Variants in ELFN2 observed in about 807,000 individuals in gnomAD.
The protein encoded by ELFN2 is extracellular leucine rich repeat and fibronectin type III domain containing 2.
A neutral mutation model predicts 45.5 loss-of-function variants in ELFN2; 17 were observed. The observed-to-expected ratio is 0.37, with a 90% CI of 0.26 to 0.56. ELFN2 has a LOEUF of 0.56. Among genes scored for constraint, ELFN2 ranks in the 20% least tolerant of loss-of-function variants. ELFN2 has a pLI of 0.77. For synonymous variants in ELFN2, 550 were observed against 551.5 expected (o/e 1.00, Z 0.04); for missense variants, 922 against 1,183.2 (o/e 0.78, Z 3.24).
Position 37,373,356 on chromosome 22 carries a change from G to A in ELFN2, c.2179C>T (p.Arg727Cys), listed in dbSNP as rs146137658. Residue 727 changes from arginine (R) to cysteine (C), a missense_variant, in exon 3 of 3, where the codon CGC becomes TGC. This residue lies in a region of ELFN2 where 564 missense variants were observed against 642.8 expected (regional missense o/e 0.88). Transcript: ENST00000402918. ...YEEGADSLSQ[R>C]VSFLKPLTRS... ...GTCAGCGGCTTGAGGAAGGACACGC[G>A]CTGGCTCAGGCTGTCGGCACCCTCC... The A allele has an allele frequency of 3.1e-5, 50 of 1,612,864 alleles. No homozygotes were observed. Among genetic ancestry groups the A allele is most frequent in the South Asian group, 1.4e-4 (13 of 91,042 alleles).
At position 37,414,134 on chromosome 22, in the gene ELFN2, A is replaced by G. The variant is rs192022213; in HGVS notation, c.-463+3635T>C. Reference sequence around the variant, plus strand: ...GAACCTCTACTATGTGCCAGGCCCCATTCAAGGTACTTGAGATAGAGCAGA... The same window carrying G: ...GAACCTCTACTATGTGCCAGGCCCCGTTCAAGGTACTTGAGATAGAGCAGA... On this transcript the variant is annotated intron_variant, in intron 2 of 2. Transcript: ENST00000402918. Among the ~76,000 whole-genome samples, 3 of 152,306 alleles carry G rather than the reference A, an allele frequency of 2.0e-5. No homozygotes were observed. In the East Asian group the frequency reaches 5.8e-4, roughly 29 times the overall value.
At chr22:37,388,043 C>T (rs1401792446) in intron 2 of ELFN2, among the ~76,000 whole-genome samples, 3 of 151,760 alleles carry the variant, frequency 2.0e-5, no homozygotes, top group African/African-American at 7.3e-5. Flanking sequence ...CGCCTTGGTG[C>T]CGCCGCCTCC....
intron 2 of ELFN2, among the ~76,000 whole-genome samples, chr22:37,376,410 C>A (rs1393355123): frequency 6.6e-6 from 1 of 152,132 alleles, no homozygotes; most frequent in Non-Finnish European, 1.5e-5. Flanking sequence ...GCTACACACA[C>A]ACACACACAA....
In ELFN2 at chr22:37,374,387, A is replaced by C; in HGVS notation, c.1148T>G (p.Val383Gly). Residue 383 changes from valine to glycine, a missense_variant, in exon 3 of 3, where the codon GTC (valine) becomes GGC (glycine). By Grantham distance (109) the Val-to-Gly change is moderately radical. Coordinates refer to ENST00000402918, the MANE Select transcript of ELFN2 (RefSeq NM_052906.5). ...GGTGCTGGGCGCCAAGTCTCCGGGGACGGGGTCCCGCGTGGTGAAGGTCAG... is the reference window on the plus strand; with the variant it reads ...GGTGCTGGGCGCCAAGTCTCCGGGGCCGGGGTCCCGCGTGGTGAAGGTCAG... Reference protein sequence around the residue: ...TCLTFTTRDPVPGDLAPSTST... With the variant: ...TCLTFTTRDPGPGDLAPSTST... 2.5e-6 allele frequency: 4 copies of C among 1,613,798 alleles called. No individual in the cohort carries two copies. The highest frequency in any genetic ancestry group is 3.4e-6 in the Non-Finnish European group (4 of 1,179,876).
At chr22:37,379,180 G>A (rs893100016) in intron 2 of ELFN2, among the ~76,000 whole-genome samples, 9 of 152,206 alleles carry the variant, frequency 5.9e-5, no homozygotes, top group Admixed American at 2.0e-4. Flanking sequence ...CAGAGGCACC[G>A]ACGGCAGTGA....
chr22:37,347,064 T>G (rs1468227228), intron 1 of ELFN2, among the ~76,000 whole-genome samples: 1 of 152,112 alleles, frequency 6.6e-6, no homozygotes, highest in African/African-American at 2.4e-5. Context: ...CTGCAACCTC[T>G]GCCCCCCCGG....
intron 2 of ELFN2, among the ~76,000 whole-genome samples, chr22:37,403,346 C>T (rs941835512): frequency 2.0e-5 from 3 of 152,128 alleles, no homozygotes; most frequent in African/African-American, 7.2e-5. Context: ...GAGGAGTCCC[C>T]GAGGGCATCC....
At chr22:37,395,352 T>G (rs1003250835) in intron 2 of ELFN2, among the ~76,000 whole-genome samples, 1 of 151,922 alleles carries the variant, frequency 6.6e-6, no homozygotes, top group African/African-American at 2.4e-5. Flanking sequence ...AAGTAGGCAT[T>G]TACATCAATC....
chr22:37,349,043 C>T (rs1038917125), intron 1 of ELFN2, among the ~76,000 whole-genome samples: 3 of 151,182 alleles, frequency 2.0e-5, no homozygotes, highest in African/African-American at 7.2e-5. Flanking sequence ...GCCCACAGAT[C>T]GCTACAGAGC....
At chr22:37,398,702 T>C (rs1209775956) in intron 2 of ELFN2, among the ~76,000 whole-genome samples, 1 of 151,928 alleles carries the variant, frequency 6.6e-6, no homozygotes, top group African/African-American at 2.4e-5. Flanking sequence ...TGCCCTCCAA[T>C]ACCATCAAGA....
At chr22:37,387,877 T>G (rs1438432227) in intron 2 of ELFN2, among the ~76,000 whole-genome samples, 1 of 151,446 alleles carries the variant, frequency 6.6e-6, no homozygotes, top group Non-Finnish European at 1.5e-5. Context: ...CCCAGCTGCC[T>G]CCGGGGCCCT....
intron 2 of ELFN2, among the ~76,000 whole-genome samples, chr22:37,387,797 C>T (rs1231264850): frequency 6.6e-6 from 1 of 152,014 alleles, no homozygotes; most frequent in Non-Finnish European, 1.5e-5. Context: ...CTCCCCTACC[C>T]CAAGAGCCCT....
At chr22:37,401,028 C>T (rs550295617) in intron 2 of ELFN2, among the ~76,000 whole-genome samples, 1 of 152,378 alleles carries the variant, frequency 6.6e-6, no homozygotes, top group Admixed American at 6.5e-5. Flanking sequence ...ACAGACATGG[C>T]ACTGCCCTGA....
chr22:37,383,991 A>G (rs562814840), intron 2 of ELFN2, among the ~76,000 whole-genome samples: 3 of 152,054 alleles, frequency 2.0e-5, no homozygotes, highest in Non-Finnish European at 4.4e-5. Flanking sequence ...ACCACAGTAC[A>G]CATGTGTCTC....
intron 2 of ELFN2, among the ~76,000 whole-genome samples, chr22:37,381,454 C>T: frequency 6.6e-6 from 1 of 152,234 alleles, no homozygotes; most frequent in African/African-American, 2.4e-5. Flanking sequence ...ACCCCAGGAC[C>T]TTTGCTCTTC....
chr22:37,374,379 C>G lies in ELFN2; in HGVS notation c.1156G>C (p.Asp386His), dbSNP rs886430908. ...GTGGTGGAGGTGCTGGGCGCCAAGT[C>G]TCCGGGGACGGGGTCCCGCGTGGTG... is the stretch of plus-strand genomic sequence containing the variant. Reference protein sequence around the residue: ...TFTTRDPVPGDLAPSTSTTTH... With the variant: ...TFTTRDPVPGHLAPSTSTTTH... The change falls in exon 3 of 3, where the codon GAC becomes CAC. Residue 386 changes from aspartate to histidine, a missense_variant. Around this residue, in one of 2 missense-constraint regions of ELFN2, gnomAD observed 564 missense variants for 642.8 expected, o/e 0.88. Coordinates refer to ENST00000402918, the MANE Select transcript of ELFN2 (RefSeq NM_052906.5). The G allele has an allele frequency of 2.5e-6, 4 of 1,613,978 alleles. No homozygotes were observed. In the South Asian group the frequency reaches 3.3e-5, roughly 13 times the overall value.
chr22:37,415,442 C>T (rs867106849), intron 2 of ELFN2, among the ~76,000 whole-genome samples: 2 of 152,178 alleles, frequency 1.3e-5, no homozygotes, highest in African/African-American at 4.8e-5. Flanking sequence ...AGGAGAGGAG[C>T]ACCAGAGAGG....
chr22:37,408,043 AG>A (rs1186051824), intron 2 of ELFN2, among the ~76,000 whole-genome samples: 1 of 152,174 alleles, frequency 6.6e-6, no homozygotes, highest in East Asian at 1.9e-4. Flanking sequence ...ATGCTGTCCA[AG>A]GCTGATTCAG....
intron 2 of ELFN2, among the ~76,000 whole-genome samples, chr22:37,414,971 TTGGCCTTGCTC>T (rs1932739757): frequency 6.6e-6 from 1 of 152,230 alleles, no homozygotes; most frequent in African/African-American, 2.4e-5. Context: ...ACTTTGTCCC[TTGGCCTTGCTC>T]TGGCAAGGTG....
Sources: allele counts gnomAD v4.1 joint callset (sites outside exome capture counted in the v4.1 genomes callset), GRCh38; gene constraint gnomAD v4.1.1; regional missense constraint gnomAD v4.1.1; transcripts MANE v1.5; gene names NCBI Gene and HGNC (gene_info 2026-07-23, HGNC 2026-07-21).